DNAH3: variants seen among roughly 807,000 people sequenced by gnomAD.
The protein encoded by DNAH3 is dynein axonemal heavy chain 3.
In DNAH3, 332 loss-of-function variants were observed where a neutral mutation model predicts 432.5. The observed-to-expected ratio is 0.77, with a 90% confidence interval of 0.70 to 0.84. DNAH3 has a LOEUF of 0.84. Ranked by LOEUF, DNAH3 falls within the 40% of genes least tolerant of loss-of-function variation. DNAH3 has a pLI of 0.00. For synonymous variants in DNAH3, 1,956 were observed against 1,900.2 expected, an observed-to-expected ratio of 1.03 and a Z score of -0.76; for missense variants, 4,861 against 5,114.0, an observed-to-expected ratio of 0.95 and a Z score of 1.51.
At chr16:21,041,873 A>G (rs947475723) in intron 32 of DNAH3, among the ~76,000 whole-genome samples, 154 bp downstream of exon 32, 15 of 152,094 alleles carry the variant, frequency 9.9e-5, no homozygotes, top group African/African-American at 3.6e-4. Context: ...GGGTTTCACC[A>G]CATTGGACAG....
exon 58 of DNAH3, chr16:20,944,584 G>A (rs1232311948): frequency 1.9e-6 from 3 of 1,614,020 alleles, no homozygotes; most frequent in African/African-American, 1.3e-5. Flanking sequence ...GTTGTCTTTG[G>A]TGATGTCTGC....
At chr16:21,093,507 T>G (rs11862846) in intron 18 of DNAH3, among the ~76,000 whole-genome samples, 17,844 of 152,212 alleles carry the variant, frequency 0.12, 1,997 homozygotes, top group African/African-American at 0.29. Flanking sequence ...TTTCCAAATT[T>G]ATCTATAGAT....
At chr16:21,057,269 A>AAAAC (rs1203314074) in intron 27 of DNAH3, among the ~76,000 whole-genome samples, 1 of 152,178 alleles carries the variant, frequency 6.6e-6, no homozygotes, top group Non-Finnish European at 1.5e-5. Flanking sequence ...AAAAAGTTTA[A>AAAAC]AAACAAACAA....
intron 25 of DNAH3, 72 bp downstream of exon 25, chr16:21,062,410 G>A (rs996970987): frequency 7.6e-6 from 10 of 1,312,332 alleles, no homozygotes; most frequent in Non-Finnish European, 1.1e-5. Context: ...CTTAGTCCCA[G>A]TGCTTAGCCA....
chr16:20,997,304 C>G lies in DNAH3; in HGVS notation c.6580G>C (p.Gly2194Arg), dbSNP rs1301306297. Reference sequence around the variant, plus strand: ...ATACCAGTAATGTCATTCCTTCCTCCCCCGGGGGGCCCCATGGCTGTCACG... The same window carrying G: ...ATACCAGTAATGTCATTCCTTCCTCGCCCGGGGGGCCCCATGGCTGTCACG... Residue 2194 changes from glycine (G) to arginine (R), a missense_variant, in exon 44 of 62, where the codon GGA becomes CGA. By Grantham distance (125) the Gly-to-Arg change is moderately radical. Transcript: ENST00000261383. 6.2e-7 allele frequency: 1 copy of G among 1,613,984 alleles called. No homozygotes were observed. The highest frequency in any genetic ancestry group is 1.7e-5 in the Admixed American group (1 of 60,008).
intron 49 of DNAH3, among the ~76,000 whole-genome samples, chr16:20,980,429 G>A (rs2085845175): frequency 6.7e-6 from 1 of 150,200 alleles, no homozygotes; most frequent in African/African-American, 2.5e-5. Flanking sequence ...CTGGAGTGCA[G>A]TGGCACAATC....
intron 20 of DNAH3, among the ~76,000 whole-genome samples, chr16:21,076,068 C>T (rs1313739690): frequency 6.6e-6 from 1 of 152,080 alleles, no homozygotes; most frequent in Non-Finnish European, 1.5e-5. Context: ...CCCTTGGCAC[C>T]GTTGACTTTT....
intron 58 of DNAH3, among the ~76,000 whole-genome samples, chr16:20,944,032 A>G (rs530153107): frequency 2.6e-5 from 4 of 152,044 alleles, no homozygotes; most frequent in Non-Finnish European, 4.4e-5. Flanking sequence ...AACAAACAGA[A>G]ACCAAAAAAC....
chr16:21,145,926 G>T, intron 2 of DNAH3, 58 bp downstream of exon 3: 1 of 1,070,534 alleles, frequency 9.3e-7, no homozygotes, highest in Non-Finnish European at 1.5e-6. Flanking sequence ...GAGAGAAGTG[G>T]GGGATGCACT....
chr16:20,989,815 A>G (rs571838392), intron 44 of DNAH3, among the ~76,000 whole-genome samples: 194 of 152,362 alleles, frequency 1.3e-3, no homozygotes, highest in African/African-American at 4.4e-3. Context: ...CTCAGTGAGA[A>G]ATCGAGCGCA....
At chr16:21,038,929 A>G (rs1051790739) in intron 33 of DNAH3, among the ~76,000 whole-genome samples, 25 of 152,206 alleles carry the variant, frequency 1.6e-4, no homozygotes, top group African/African-American at 6.0e-4. Context: ...TCCAGGCCAT[A>G]AAGACATTCA....
chr16:20,972,445 G>A (rs1356428541), intron 51 of DNAH3, among the ~76,000 whole-genome samples: 2 of 151,686 alleles, frequency 1.3e-5, no homozygotes, highest in East Asian at 3.9e-4. Flanking sequence ...TTGTTACCTG[G>A]GCTGGTCTGA....
chr16:21,119,317 G>T (rs1448801569), intron 11 of DNAH3, among the ~76,000 whole-genome samples: 1 of 152,160 alleles, frequency 6.6e-6, no homozygotes, highest in East Asian at 1.9e-4. Context: ...CTGTAGAGCA[G>T]TCTGTGAAAT....
chr16:20,998,635 T>C (rs1447170636), intron 43 of DNAH3, among the ~76,000 whole-genome samples: 2 of 150,042 alleles, frequency 1.3e-5, no homozygotes, highest in Non-Finnish European at 2.9e-5. Flanking sequence ...TTTTCCCCAG[T>C]AGTATATTAC....
Position 20,935,494 on chromosome 16 carries a change from C to T in DNAH3, c.11860-9G>A. On this transcript the variant is annotated splice_polypyrimidine_tract_variant and intron_variant, in intron 60 of 61. Coordinates refer to ENST00000261383, the Ensembl canonical transcript of DNAH3. ...CCCTTGTCAATCCATTCCTGGAGAG[C>T]CACAGAAATCAAGATTCAAAATCAA... The T allele has an allele frequency of 6.2e-7, 1 of 1,607,966 alleles. No individual in the cohort carries two copies.
At chr16:21,127,558 C>T in intron 8 of DNAH3, 129 bp downstream of exon 9, 1 of 1,137,626 alleles carries the variant, frequency 8.8e-7, no homozygotes, top group Non-Finnish European at 1.2e-6. Context: ...GAGACTCTGT[C>T]TCAAAAAAAA....
At chr16:21,151,447 C>T (rs1465584239) in intron 1 of DNAH3, among the ~76,000 whole-genome samples, 1 of 151,738 alleles carries the variant, frequency 6.6e-6, no homozygotes. Flanking sequence ...CAGCCTCCCA[C>T]CAGTGCGCCC....
chr16:21,005,145 C>T (rs1354503545), intron 41 of DNAH3, among the ~76,000 whole-genome samples: 3 of 147,666 alleles, frequency 2.0e-5, no homozygotes, highest in Admixed American at 6.7e-5. Flanking sequence ...TCTTCTTTCT[C>T]TCGTCTCTTT....
At position 20,969,008 on chromosome 16, in the gene DNAH3, C is replaced by T. The variant is rs151032737; in HGVS notation, c.8458+784G>A. ...GTCTCTATTTCTACCTGTTTCTCTC[C>T]CTTCATGTCTTACTCTCTCCTGTAT... is the stretch of plus-strand genomic sequence containing the variant. On this transcript the variant is annotated intron_variant, in intron 52 of 61. Coordinates refer to ENST00000261383, the Ensembl canonical transcript of DNAH3. Among the ~76,000 whole-genome samples, 144 of 151,862 alleles carry T rather than the reference C, an allele frequency of 9.5e-4. 1 individual carries two copies. Among genetic ancestry groups the T allele is most frequent in the African/African-American group, 3.3e-3 (135 of 41,416 alleles).
Sources: gnomAD v4.1 joint callset for allele counts (sites outside exome capture counted in the v4.1 genomes callset) on GRCh38, gnomAD v4.1.1 for gene constraint, MANE v1.5 for transcripts, NCBI Gene and HGNC (gene_info 2026-07-23, HGNC 2026-07-21) for gene names.